The following PRDM6 variants were observed in gnomAD, a reference collection of about 807,000 sequenced individuals.
PRDM6 encodes the protein PR/SET domain 6.
Under a neutral mutation model 60.8 loss-of-function variants are expected in PRDM6, and 25 were observed. The observed-to-expected ratio is 0.41, with a 90% CI of 0.30 to 0.57. The LOEUF (loss-of-function observed/expected upper bound fraction) is 0.57. PRDM6 is among the 20% of genes least tolerant of loss of function. The pLI is 0.27. For missense variants in PRDM6, 839 were observed against 821.3 expected (o/e 1.02, Z -0.26); for synonymous variants, 407 against 357.4 (o/e 1.14, Z -1.57).
intron 2 of PRDM6, among the ~76,000 whole-genome samples, chr5:123,093,365 A>C (rs900628067): frequency 6.6e-6 from 1 of 152,240 alleles, no homozygotes; most frequent in South Asian, 2.1e-4. Flanking sequence ...AAAAGAACTT[A>C]GGAACACTAG....
intron 6 of PRDM6, among the ~76,000 whole-genome samples, chr5:123,176,309 T>G: frequency 6.9e-6 from 1 of 145,638 alleles, no homozygotes; most frequent in South Asian, 2.3e-4. Flanking sequence ...AAGTTACTTG[T>G]GGTTGTGAGA....
rs2126896113 is a variant in PRDM6 at position 123,187,809 on chromosome 5, C to T, written c.*608C>T. The T allele has an allele frequency of 6.6e-6, 1 of 152,332 alleles. No homozygotes were observed. The highest frequency in any genetic ancestry group is 3.4e-3 in the Middle Eastern group (1 of 294). 9.4% of individuals were successfully genotyped at this position (152,332 alleles called of 1,614,324 possible). A position where few individuals can be genotyped will look rare whatever the true frequency, so the allele number is the denominator to read the frequency against. On this transcript the variant is annotated 3_prime_UTR_variant, in exon 8 of 8. Transcript: ENST00000407847. Reference sequence around the variant, plus strand: ...TTTTTACACGGTTTCTTCCAAACAGCCCGGTCTTGATGCAGGAGAGTCTGG... The same window carrying T: ...TTTTTACACGGTTTCTTCCAAACAGTCCGGTCTTGATGCAGGAGAGTCTGG...
chr5:123,160,956 A>T (rs1765616050), intron 5 of PRDM6, among the ~76,000 whole-genome samples: 1 of 152,184 alleles, frequency 6.6e-6, no homozygotes. Context: ...CCTCAAACAG[A>T]ATGACTCCAT....
intron 2 of PRDM6, among the ~76,000 whole-genome samples, chr5:123,095,757 C>T (rs1580473841): frequency 1.3e-5 from 2 of 152,212 alleles, no homozygotes. Context: ...CGGGCAGGTA[C>T]TGGGGAGTGA....
At chr5:123,107,461 C>G (rs1764221189) in intron 3 of PRDM6, among the ~76,000 whole-genome samples, 1 of 152,210 alleles carries the variant, frequency 6.6e-6, no homozygotes, top group Non-Finnish European at 1.5e-5. Flanking sequence ...TCACTAGCCA[C>G]AAACCACAGA....
chr5:123,130,404 A>G (rs1035661497), intron 3 of PRDM6, among the ~76,000 whole-genome samples: 1 of 140,274 alleles, frequency 7.1e-6, no homozygotes, highest in Non-Finnish European at 1.5e-5. Context: ...TCTCAACAGC[A>G]GTTAGCCCTG....
At chr5:123,169,441 C>T (rs537339326) in intron 5 of PRDM6, among the ~76,000 whole-genome samples, 2 of 152,314 alleles carry the variant, frequency 1.3e-5, no homozygotes, top group East Asian at 1.9e-4. Flanking sequence ...TCACACCCGT[C>T]GCTTCTCCTT....
chr5:123,103,938 G>A (rs1190060264), intron 3 of PRDM6, among the ~76,000 whole-genome samples: 1 of 152,072 alleles, frequency 6.6e-6, no homozygotes, highest in African/African-American at 2.4e-5. Context: ...TAGTAATACA[G>A]TTAAGATACT....
intron 3 of PRDM6, among the ~76,000 whole-genome samples, chr5:123,123,955 G>A (rs553468901): frequency 6.7e-6 from 1 of 150,046 alleles, no homozygotes; most frequent in Admixed American, 6.7e-5. Flanking sequence ...TGAAAAACTG[G>A]AGAATCCATG....
At chr5:123,100,104 A>T in intron 3 of PRDM6, 143 bp downstream of exon 3, 1 of 895,854 alleles carries the variant, frequency 1.1e-6, no homozygotes. Flanking sequence ...CGGAGAATAG[A>T]TTTCTCTGGT....
chr5:123,142,892 A>C (rs1450835489), intron 3 of PRDM6, among the ~76,000 whole-genome samples: 2 of 149,180 alleles, frequency 1.3e-5, no homozygotes, highest in East Asian at 1.9e-4. Context: ...AAAAAAAAAA[A>C]AAAAAAAAAA....
intron 7 of PRDM6, among the ~76,000 whole-genome samples, chr5:123,182,176 C>T (rs1486198338): frequency 6.6e-6 from 1 of 152,220 alleles, no homozygotes; most frequent in African/African-American, 2.4e-5. Flanking sequence ...TGGGCTACCA[C>T]AGTCCTAGGA....
intron 3 of PRDM6, among the ~76,000 whole-genome samples, chr5:123,111,283 G>A (rs1318899402): frequency 2.0e-5 from 3 of 152,206 alleles, no homozygotes; most frequent in Non-Finnish European, 4.4e-5. Context: ...CTAGCAGGGA[G>A]TCAAGCATAG....
intron 5 of PRDM6, among the ~76,000 whole-genome samples, chr5:123,163,248 A>G (rs572731661): frequency 3.3e-5 from 5 of 152,358 alleles, no homozygotes; most frequent in African/African-American, 1.2e-4. Flanking sequence ...AATGAAATTG[A>G]TACCTGGACC....
intron 2 of PRDM6, among the ~76,000 whole-genome samples, chr5:123,097,711 A>G (rs528833841): frequency 1.3e-5 from 2 of 151,964 alleles, no homozygotes; most frequent in Non-Finnish European, 2.9e-5. Context: ...GTGTGAGAAT[A>G]CTCCCATCCA....
chr5:123,124,076 T>G (rs982258125), intron 3 of PRDM6, among the ~76,000 whole-genome samples: 1 of 152,154 alleles, frequency 6.6e-6, no homozygotes, highest in Non-Finnish European at 1.5e-5. Flanking sequence ...AGGCCAACCT[T>G]AGAGACTGAC....
chr5:123,094,047 T>A (rs76569631), intron 2 of PRDM6, among the ~76,000 whole-genome samples: 1 of 151,822 alleles, frequency 6.6e-6, no homozygotes, highest in Non-Finnish European at 1.5e-5. Flanking sequence ...GGTGTGTGCA[T>A]GGGTGTGGGA....
chr5:123,090,359 G>C lies in PRDM6; in HGVS notation c.345G>C (p.Gln115His), dbSNP rs1231347806. The C allele has an allele frequency of 2.0e-6, 3 of 1,472,876 alleles. No homozygotes were observed. The highest frequency in any genetic ancestry group is 4.7e-5 in the Admixed American group (2 of 42,876). 91.2% of individuals were successfully genotyped at this position (1,472,876 alleles called of 1,614,324 possible). Residue 115 changes from glutamine (Q) to histidine (H), a missense_variant, in exon 2 of 8, where the codon CAG (glutamine) becomes CAC (histidine). Coordinates refer to ENST00000407847, the MANE Select transcript of PRDM6 (RefSeq NM_001136239.4). ...LAGLSALPVS[Q>H]LPVFAPLAAA... ...GTCTCTCGGCCCTGCCGGTGTCGCA[G>C]CTGCCGGTGTTCGCGCCTCTAGCCG... is the stretch of plus-strand genomic sequence containing the variant.
At chr5:123,092,047 C>A (rs1437298051) in intron 2 of PRDM6, among the ~76,000 whole-genome samples, 1 of 152,072 alleles carries the variant, frequency 6.6e-6, no homozygotes, top group Non-Finnish European at 1.5e-5. Flanking sequence ...AAAGAGCAAT[C>A]GTATTTACTT....
Sources: gnomAD v4.1 joint callset for allele counts (sites outside exome capture counted in the v4.1 genomes callset) on GRCh38, gnomAD v4.1.1 for gene constraint, MANE v1.5 for transcripts, NCBI Gene and HGNC (gene_info 2026-07-23, HGNC 2026-07-21) for gene names.